CDYL2: variants seen among roughly 807,000 people sequenced by gnomAD.
CDYL2 encodes the protein chromodomain Y like 2.
CDYL2 carries 23 observed loss-of-function variants against 49.4 expected under a neutral mutation model. That is an observed-to-expected ratio of 0.47 (90% confidence interval 0.34 to 0.66). The LOEUF is 0.66. Among genes scored for constraint, CDYL2 ranks in the 30% least tolerant of loss-of-function variants. The pLI is 0.01. For missense variants in CDYL2, 678 were observed against 656.4 expected, an observed-to-expected ratio of 1.03 and a Z score of -0.36; for synonymous variants, 360 against 268.8, an observed-to-expected ratio of 1.34 and a Z score of -3.32.
chr16:80,658,690 G>A (rs1016238805), intron 2 of CDYL2, among the ~76,000 whole-genome samples: 2 of 152,134 alleles, frequency 1.3e-5, no homozygotes, highest in African/African-American at 4.8e-5. Context: ...ATATTTCCTA[G>A]CTCTGTCAGC....
Position 80,604,263 on chromosome 16 carries a change from A to C in CDYL2, c.*125T>G. On this transcript the variant is annotated 3_prime_UTR_variant, in exon 7 of 7. Transcript: ENST00000570137. Reference sequence around the variant, plus strand: ...GGAGGAGCAACCAAAGGACACGAGGAAATGGACACAACCCTACGTATAAAG... The same window carrying C: ...GGAGGAGCAACCAAAGGACACGAGGCAATGGACACAACCCTACGTATAAAG... 9.4e-7 allele frequency: 1 copy of C among 1,064,418 alleles called. No homozygotes were observed. Among genetic ancestry groups the C allele is most frequent in the Non-Finnish European group, 1.4e-6 (1 of 726,198 alleles). 65.9% of individuals were successfully genotyped at this position (1,064,418 alleles called of 1,614,324 possible).
intron 1 of CDYL2, among the ~76,000 whole-genome samples, chr16:80,787,394 T>G (rs865776919): frequency 3.3e-5 from 5 of 152,168 alleles, no homozygotes; most frequent in Non-Finnish European, 5.9e-5. Flanking sequence ...GAGACTGCCC[T>G]TCAAAGCAAA....
At chr16:80,684,078 C>G (rs376312576) in intron 2 of CDYL2, among the ~76,000 whole-genome samples, 2 of 152,148 alleles carry the variant, frequency 1.3e-5, no homozygotes, top group African/African-American at 2.4e-5. Context: ...GAAGACGGCA[C>G]GGACCCCAAC....
At chr16:80,706,353 G>T (rs1904404010) in intron 1 of CDYL2, among the ~76,000 whole-genome samples, 1 of 152,154 alleles carries the variant, frequency 6.6e-6, no homozygotes, top group African/African-American at 2.4e-5. Context: ...TCCGCTCAAT[G>T]CTGGCAGTGA....
At chr16:80,782,832 T>G (rs9925383) in intron 1 of CDYL2, among the ~76,000 whole-genome samples, 3,062 of 152,126 alleles carry the variant, frequency 0.02, 115 homozygotes, top group African/African-American at 0.07. Context: ...GAAAAACTAG[T>G]AATAAAATGA....
At chr16:80,776,483 C>G (rs1307954131) in intron 1 of CDYL2, among the ~76,000 whole-genome samples, 2 of 151,832 alleles carry the variant, frequency 1.3e-5, no homozygotes, top group East Asian at 3.9e-4. Flanking sequence ...TGAAACAAAA[C>G]AAGAAATCGA....
intron 4 of CDYL2, among the ~76,000 whole-genome samples, chr16:80,613,413 T>C (rs1035294276): frequency 6.6e-6 from 1 of 152,146 alleles, no homozygotes; most frequent in Non-Finnish European, 1.5e-5. Context: ...TGGGTACATG[T>C]TGGGATTGAT....
chr16:80,661,454 G>A (rs974866965), intron 2 of CDYL2, among the ~76,000 whole-genome samples: 1 of 152,166 alleles, frequency 6.6e-6, no homozygotes, highest in Non-Finnish European at 1.5e-5. Flanking sequence ...GATTCACACA[G>A]GTTGTCTCAT....
intron 1 of CDYL2, among the ~76,000 whole-genome samples, chr16:80,709,244 T>C (rs973914541): frequency 2.0e-5 from 3 of 152,070 alleles, no homozygotes; most frequent in African/African-American, 7.2e-5. Flanking sequence ...TAGCTGGGTG[T>C]GGTGGCGTGC....
At chr16:80,626,275 T>TAAAAAAAAAA (rs11358031) in intron 3 of CDYL2, among the ~76,000 whole-genome samples, 1 of 92,296 alleles carries the variant, frequency 1.1e-5, no homozygotes. Flanking sequence ...AAATCCCATC[T>TAAAAAAAAAA]AAAAAAAAAA....
At chr16:80,642,375 G>C (rs1207706580) in intron 2 of CDYL2, among the ~76,000 whole-genome samples, 1 of 152,178 alleles carries the variant, frequency 6.6e-6, no homozygotes, top group African/African-American at 2.4e-5. Context: ...CCAGGAGGCG[G>C]AAGTTGCAGT....
intron 2 of CDYL2, among the ~76,000 whole-genome samples, chr16:80,642,974 C>G (rs1908168380): frequency 6.6e-6 from 1 of 152,136 alleles, no homozygotes; most frequent in African/African-American, 2.4e-5. Context: ...AACAGGCCCC[C>G]AAAGTTTTAA....
chr16:80,674,337 A>G (rs895502769), intron 2 of CDYL2, among the ~76,000 whole-genome samples: 1 of 152,178 alleles, frequency 6.6e-6, no homozygotes, highest in African/African-American at 2.4e-5. Context: ...CTTCTTGGAG[A>G]GCATTTAGAA....
chr16:80,770,468 G>A (rs949848162), intron 1 of CDYL2, among the ~76,000 whole-genome samples: 2 of 151,680 alleles, frequency 1.3e-5, no homozygotes, highest in Non-Finnish European at 2.9e-5. Flanking sequence ...ATTGTATGTA[G>A]AAAAACAAAA....
chr16:80,724,560 GAC>G (rs1165611314), intron 1 of CDYL2, among the ~76,000 whole-genome samples: 1 of 152,162 alleles, frequency 6.6e-6, no homozygotes, highest in Non-Finnish European at 1.5e-5. Flanking sequence ...ACACACACAT[GAC>G]ACACATGTGG....
chr16:80,740,673 T>C (rs934892422), intron 1 of CDYL2, among the ~76,000 whole-genome samples: 1 of 152,164 alleles, frequency 6.6e-6, no homozygotes, highest in Non-Finnish European at 1.5e-5. Context: ...GAAAGATGTG[T>C]AGTTCCCAAA....
intron 1 of CDYL2, among the ~76,000 whole-genome samples, chr16:80,780,153 T>C (rs1048609625): frequency 4.6e-5 from 7 of 152,140 alleles, no homozygotes; most frequent in Non-Finnish European, 8.8e-5. Flanking sequence ...AAGCCTTGCA[T>C]GCAGAACAGC....
At chr16:80,788,357 G>C (rs759477095) in intron 1 of CDYL2, among the ~76,000 whole-genome samples, 1 of 152,206 alleles carries the variant, frequency 6.6e-6, no homozygotes, top group Non-Finnish European at 1.5e-5. Context: ...TCAAAGAGAT[G>C]CTTTCCCATC....
intron 1 of CDYL2, chr16:80,742,350 T>G (rs911232065): frequency 9.3e-5 from 14 of 151,318 alleles, no homozygotes; most frequent in African/African-American, 3.2e-4. Context: ...ATGGATGGAC[T>G]GACAAATGGA....
Sources: gnomAD v4.1 joint callset for allele counts (sites outside exome capture counted in the v4.1 genomes callset) on GRCh38, gnomAD v4.1.1 for gene constraint, MANE v1.5 for transcripts, NCBI Gene and HGNC (gene_info 2026-07-23, HGNC 2026-07-21) for gene names.